Variants in PRELID2 observed in about 807,000 individuals in gnomAD.
The protein encoded by PRELID2 is PRELI domain containing 2, also known as PRELI domain-containing protein 2.
A neutral mutation model predicts 28.4 loss-of-function variants in PRELID2; 25 were observed. The ratio of observed to expected loss-of-function variants is 0.88; its 90% confidence interval spans 0.64 to 1.23. The LOEUF is 1.23. PRELID2 is among the 50% of genes most tolerant of loss of function. PRELID2 has a pLI of 0.00. For synonymous variants in PRELID2, 76 were observed against 71.6 expected (o/e 1.06, Z -0.31); for missense variants, 201 against 214.4 (o/e 0.94, Z 0.39).
chr5:145,674,684 C>T (rs1466906092), intron 1 of PRELID2, among the ~76,000 whole-genome samples: 1 of 152,116 alleles, frequency 6.6e-6, no homozygotes, highest in Non-Finnish European at 1.5e-5. Context: ...TGGCTCATGC[C>T]TGTAATCCCA....
intron 1 of PRELID2, among the ~76,000 whole-genome samples, chr5:145,683,407 C>A (rs370137489): frequency 5.9e-5 from 9 of 152,170 alleles, no homozygotes; most frequent in African/African-American, 1.4e-4. Flanking sequence ...CCAAATACTA[C>A]AAACTGGATG....
rs1554078383 is a variant in PRELID2 at position 145,600,434 on chromosome 5, A to ATAT, written n.71-127120_71-127119insATA. On this transcript the variant is annotated intron_variant and non_coding_transcript_variant, in intron 1 of 2. Coordinates refer to the PRELID2 transcript ENST00000510259. Reference sequence around the variant, plus strand: ...TCTCAGGGGGGGAAAAAAAAAAAAAAATATATATATATATATATATGTATC... The same window carrying ATAT: ...TCTCAGGGGGGGAAAAAAAAAAAAAATATATATATATATATATATATATGTATC... Among the ~76,000 whole-genome samples the ATAT allele has an allele frequency of 3.0e-3, 362 of 120,080 alleles. 5 individuals carry two copies. The highest frequency in any genetic ancestry group is 0.011 in the African/African-American group (264 of 24,536). The allele number at this position is 120,080 out of a possible 152,430, so 78.8% of individuals were successfully genotyped here. A position where few individuals can be genotyped will look rare whatever the true frequency, so the allele number is the denominator to read the frequency against.
the PRELID2 span, among the ~76,000 whole-genome samples, chr5:145,362,491 A>G: frequency 6.6e-6 from 1 of 152,118 alleles, no homozygotes; most frequent in South Asian, 2.1e-4. Flanking sequence ...CCTTAAAGCA[A>G]GTTTCTAATT....
the PRELID2 span, among the ~76,000 whole-genome samples, chr5:145,377,374 A>G: frequency 1.3e-5 from 2 of 152,134 alleles, no homozygotes; most frequent in Non-Finnish European, 2.9e-5. Flanking sequence ...TTTGATGAAG[A>G]GTTCTGTAGA....
chr5:145,772,585 T>C (rs1758177774), intron 5 of PRELID2, among the ~76,000 whole-genome samples: 1 of 152,088 alleles, frequency 6.6e-6, no homozygotes, highest in Admixed American at 6.6e-5. Context: ...AACCAAGAGA[T>C]TGAACTCACA....
the PRELID2 span, among the ~76,000 whole-genome samples, chr5:145,315,545 G>GGTGTGTGTGT: frequency 9.4e-3 from 1,350 of 142,952 alleles, 14 homozygotes; most frequent in African/African-American, 0.018. Flanking sequence ...GCTCTTTCAG[G>GGTGTGTGTGT]GTGTGTGTGT....
At chr5:145,571,156 A>T (rs1753011923) in intron 1 of PRELID2, among the ~76,000 whole-genome samples, 1 of 152,230 alleles carries the variant, frequency 6.6e-6, no homozygotes, top group Non-Finnish European at 1.5e-5. Context: ...CCCCAGGTTC[A>T]AATTTCAGTT....
At chr5:145,282,865 A>C in the PRELID2 span, among the ~76,000 whole-genome samples, 2 of 152,124 alleles carry the variant, frequency 1.3e-5, no homozygotes, top group East Asian at 3.9e-4. Context: ...GTGTTTGTAT[A>C]TTGAAAATAT....
the PRELID2 span, among the ~76,000 whole-genome samples, chr5:145,391,867 AAAC>A: frequency 6.6e-6 from 1 of 152,108 alleles, no homozygotes; most frequent in African/African-American, 2.4e-5. Flanking sequence ...CTCTTTGCTA[AAAC>A]ATAGCAAGAC....
intron 1 of PRELID2, among the ~76,000 whole-genome samples, chr5:145,591,213 T>C (rs1313737630): frequency 6.6e-6 from 1 of 151,904 alleles, no homozygotes; most frequent in East Asian, 1.9e-4. Context: ...GGAGGACTGC[T>C]TGAGCCCTGG....
intron 1 of PRELID2, among the ~76,000 whole-genome samples, chr5:145,743,017 A>G (rs923253941): frequency 3.9e-5 from 6 of 152,108 alleles, no homozygotes; most frequent in African/African-American, 1.4e-4. Flanking sequence ...CTTATCCAAT[A>G]TGAAATAGAA....
chr5:145,229,163 C>T, the PRELID2 span: 339 of 960,212 alleles, frequency 3.5e-4, 2 homozygotes, highest in Middle Eastern at 1.6e-3. Context: ...TGTCCCACAG[C>T]CCCACAAGAA....
At chr5:145,717,412 T>C (rs951956623) in intron 1 of PRELID2, among the ~76,000 whole-genome samples, 1 of 152,212 alleles carries the variant, frequency 6.6e-6, no homozygotes. Context: ...ATGGTTAATT[T>C]TATGGTATGT....
intron 1 of PRELID2, among the ~76,000 whole-genome samples, chr5:145,732,121 C>T (rs1399143322): frequency 1.3e-5 from 2 of 152,146 alleles, no homozygotes; most frequent in Non-Finnish European, 2.9e-5. Context: ...GGGGATTATA[C>T]TTGTGGCCTC....
chr5:145,311,325 C>CCCCCA, the PRELID2 span, among the ~76,000 whole-genome samples: 14,874 of 152,122 alleles, frequency 0.098, 799 homozygotes, highest in African/African-American at 0.15. Flanking sequence ...TGTAGCACAG[C>CCCCCA]CCCCACCCAT....
At chr5:145,333,777 T>C in the PRELID2 span, among the ~76,000 whole-genome samples, 1 of 147,848 alleles carries the variant, frequency 6.8e-6, no homozygotes, top group African/African-American at 2.5e-5. Flanking sequence ...AGGGGAGTGA[T>C]CAGTTATGTC....
At chr5:145,455,230 T>C in the PRELID2 span, among the ~76,000 whole-genome samples, 1 of 152,232 alleles carries the variant, frequency 6.6e-6, no homozygotes, top group Non-Finnish European at 1.5e-5. Context: ...CCACTGCATG[T>C]TTTTGTCAGG....
intron 1 of PRELID2, among the ~76,000 whole-genome samples, chr5:145,514,318 C>CAAAAAAAAAAAAAAAAAAAAAA (rs55760860): frequency 1.5e-4 from 10 of 67,490 alleles, no homozygotes; most frequent in African/African-American, 5.1e-4. Flanking sequence ...AAATGGAAAG[C>CAAAAAAAAAAAAAAAAAAAAAA]AAAAAAAAAA....
chr5:145,628,268 T>C (rs1181500694), intron 1 of PRELID2, among the ~76,000 whole-genome samples: 1 of 151,956 alleles, frequency 6.6e-6, no homozygotes. Context: ...AAGAAATGTG[T>C]TTTCATTATT....
Sources: allele counts gnomAD v4.1 joint callset (sites outside exome capture counted in the v4.1 genomes callset), GRCh38; gene constraint gnomAD v4.1.1; transcripts MANE v1.5; gene names NCBI Gene and HGNC (gene_info 2026-07-23, HGNC 2026-07-21).